Variants in FHIT observed in about 807,000 individuals in gnomAD.
The protein encoded by FHIT is bis(5'-adenosyl)-triphosphatase.
In FHIT, 19 loss-of-function variants were observed where a neutral mutation model predicts 17.9. That is an observed-to-expected ratio of 1.06 (90% CI 0.74 to 1.56). The LOEUF (loss-of-function observed/expected upper bound fraction) is 1.56. Among genes scored for constraint, FHIT ranks in the 40% most tolerant of loss-of-function variants. The pLI, the probability that FHIT is intolerant of heterozygous loss-of-function variation, is 0.00. For missense variants in FHIT, 248 were observed against 189.2 expected, an observed-to-expected ratio of 1.31 and a Z score of -1.82; for synonymous variants, 81 against 69.7, an observed-to-expected ratio of 1.16 and a Z score of -0.81.
chr3:59,997,596 A>G (rs1262565279), intron 7 of FHIT, among the ~76,000 whole-genome samples: 3 of 152,154 alleles, frequency 2.0e-5, no homozygotes, highest in African/African-American at 7.2e-5. Context: ...ACAAAGAAAC[A>G]CACATTGTCA....
At chr3:59,944,582 T>C (rs866688100) in intron 7 of FHIT, among the ~76,000 whole-genome samples, 2 of 152,078 alleles carry the variant, frequency 1.3e-5, no homozygotes, top group South Asian at 4.2e-4. Context: ...TATAGGGAAA[T>C]TGTAAGTCAC....
intron 4 of FHIT, among the ~76,000 whole-genome samples, chr3:60,662,549 T>C (rs2040283076): frequency 6.6e-6 from 1 of 152,172 alleles, no homozygotes; most frequent in Admixed American, 6.5e-5. Flanking sequence ...ATATGAATTT[T>C]TGGATTGTTT....
chr3:59,972,818 G>A (rs1350387330), intron 7 of FHIT, among the ~76,000 whole-genome samples: 2 of 151,956 alleles, frequency 1.3e-5, no homozygotes, highest in Non-Finnish European at 2.9e-5. Context: ...TTGTCTCCTC[G>A]AGGTTCTCTG....
chr3:60,569,755 A>ATATATTATT, intron 4 of FHIT, among the ~76,000 whole-genome samples: 1 of 77,344 alleles, frequency 1.3e-5, no homozygotes, highest in East Asian at 5.3e-4. Flanking sequence ...ATATATATAT[A>ATATATTATT]TTTTTTTTTT....
chr3:60,513,857 C>G (rs2035039852), intron 5 of FHIT, among the ~76,000 whole-genome samples: 2 of 152,268 alleles, frequency 1.3e-5, no homozygotes, highest in South Asian at 4.1e-4. Context: ...ATCCTGTGCC[C>G]ATAAGAACCC....
chr3:60,005,388 C>G (rs1417094786), intron 7 of FHIT, among the ~76,000 whole-genome samples: 3 of 152,120 alleles, frequency 2.0e-5, no homozygotes. Context: ...AGGAGACAGG[C>G]AGGCCCCCAG....
intron 2 of FHIT, among the ~76,000 whole-genome samples, chr3:61,187,748 A>C (rs2038566021): frequency 6.6e-6 from 1 of 152,250 alleles, no homozygotes; most frequent in South Asian, 2.1e-4. Context: ...ACCACAGTGC[A>C]ATCAAACTAG....
chr3:59,807,700 G>A (rs1700256612), intron 8 of FHIT, among the ~76,000 whole-genome samples: 1 of 152,136 alleles, frequency 6.6e-6, no homozygotes. Flanking sequence ...GGGTACCCAG[G>A]ATCAGGGGTT....
At chr3:60,011,727 C>T (rs564528102) in intron 6 of FHIT, among the ~76,000 whole-genome samples, 1 of 152,306 alleles carries the variant, frequency 6.6e-6, no homozygotes, top group South Asian at 2.1e-4. Flanking sequence ...ATCACACCTT[C>T]TGGTTATGTT....
chr3:61,069,295 C>T (rs1302144704), intron 2 of FHIT, among the ~76,000 whole-genome samples: 1 of 152,122 alleles, frequency 6.6e-6, no homozygotes, highest in Non-Finnish European at 1.5e-5. Context: ...CCTTCACTTT[C>T]TAGGTTGGTG....
intron 7 of FHIT, among the ~76,000 whole-genome samples, chr3:59,995,839 A>G (rs1414849657): frequency 6.6e-6 from 1 of 151,144 alleles, no homozygotes; most frequent in Non-Finnish European, 1.5e-5. Flanking sequence ...CAATCTGCTC[A>G]ACATTAGTAA....
intron 2 of FHIT, among the ~76,000 whole-genome samples, chr3:61,171,547 C>A (rs2038004634): frequency 1.3e-5 from 2 of 152,092 alleles, no homozygotes; most frequent in South Asian, 4.1e-4. Context: ...ATAAAATACA[C>A]TAAAACAGAA....
rs181563550 is a variant in FHIT, at chr3:60,469,850, C to T, written c.103+67010G>A. 8.0e-4 allele frequency among the ~76,000 whole-genome samples: 122 copies of T among 152,190 alleles called. 2 individuals are homozygous for T. Among genetic ancestry groups the T allele is most frequent in the Admixed American group, 6.4e-3 (98 of 15,282 alleles). On this transcript the variant is annotated intron_variant, in intron 5 of 9. Transcript: ENST00000492590. ...GTCATCTAAGTTTTTGGTCACTTTA[C>T]CCGTTTCTACTTTAGGGGTGCCCCA...
At chr3:61,179,415 T>C (rs1437068929) in intron 2 of FHIT, among the ~76,000 whole-genome samples, 1 of 152,026 alleles carries the variant, frequency 6.6e-6, no homozygotes, top group African/African-American at 2.4e-5. Context: ...ATTCTATTTA[T>C]TATATAAAAT....
intron 5 of FHIT, among the ~76,000 whole-genome samples, chr3:60,438,013 A>G (rs568841944): frequency 6.6e-6 from 1 of 152,270 alleles, no homozygotes; most frequent in South Asian, 2.1e-4. Flanking sequence ...TCATATAGTC[A>G]TATTATATAA....
At chr3:59,866,142 T>C (rs1702637468) in intron 8 of FHIT, among the ~76,000 whole-genome samples, 1 of 152,060 alleles carries the variant, frequency 6.6e-6, no homozygotes, top group Non-Finnish European at 1.5e-5. Flanking sequence ...AGAGAGTACC[T>C]GGAGTAAGGG....
chr3:60,707,982 T>C (rs1195238047), intron 4 of FHIT, among the ~76,000 whole-genome samples: 1 of 152,232 alleles, frequency 6.6e-6, no homozygotes, highest in Non-Finnish European at 1.5e-5. Flanking sequence ...TTCAATTATT[T>C]CCACATTTGT....
intron 7 of FHIT, among the ~76,000 whole-genome samples, chr3:59,958,072 T>C (rs1293413623): frequency 6.6e-6 from 1 of 152,230 alleles, no homozygotes; most frequent in Non-Finnish European, 1.5e-5. Context: ...GATCTCAAAT[T>C]AGATATTCAG....
chr3:61,216,046 GA>G (rs1306350004), intron 1 of FHIT, among the ~76,000 whole-genome samples: 1 of 152,052 alleles, frequency 6.6e-6, no homozygotes, highest in African/African-American at 2.4e-5. Context: ...AACCCTAGAA[GA>G]AAACCTAGGC....
Sources: gnomAD v4.1 joint callset for allele counts (sites outside exome capture counted in the v4.1 genomes callset) on GRCh38, gnomAD v4.1.1 for gene constraint, MANE v1.5 for transcripts, NCBI Gene and HGNC (gene_info 2026-07-23, HGNC 2026-07-21) for gene names.